Variants in ADGRL2 observed in about 807,000 individuals in gnomAD.
ADGRL2 encodes adhesion G protein-coupled receptor L2.
In ADGRL2, 44 loss-of-function variants were observed where a neutral mutation model predicts 157.4. The observed-to-expected ratio is 0.28, with a 90% CI of 0.22 to 0.36. ADGRL2 has a LOEUF of 0.36. ADGRL2 is among the 10% of genes least tolerant of loss of function. The pLI, the probability that ADGRL2 is intolerant of heterozygous loss-of-function variation, is 1.00. For missense variants in ADGRL2, 1,510 were observed against 1,768.9 expected (o/e 0.85, Z 2.63); for synonymous variants, 585 against 624.7 (o/e 0.94, Z 0.95).
At chr1:81,676,681 TA>T (rs201884833) in intron 3 of ADGRL2, among the ~76,000 whole-genome samples, 1 of 141,090 alleles carries the variant, frequency 7.1e-6, no homozygotes, top group Non-Finnish European at 1.6e-5. Context: ...TCACTGGATT[TA>T]TTTTATTTTA....
intron 1 of ADGRL2, among the ~76,000 whole-genome samples, chr1:81,311,299 C>T (rs536769028): frequency 1.1e-4 from 16 of 152,242 alleles, no homozygotes; most frequent in African/African-American, 2.9e-4. Flanking sequence ...TATCTTCTCC[C>T]GGAAAAATTA....
At chr1:81,428,268 T>C (rs151008641) in intron 1 of ADGRL2, among the ~76,000 whole-genome samples, 4 of 152,108 alleles carry the variant, frequency 2.6e-5, no homozygotes, top group Non-Finnish European at 5.9e-5. Context: ...GATTGGGTAT[T>C]TAAATTAGCA....
intron 1 of ADGRL2, among the ~76,000 whole-genome samples, chr1:81,425,017 T>C (rs1053110347): frequency 6.6e-6 from 1 of 152,234 alleles, no homozygotes; most frequent in Non-Finnish European, 1.5e-5. Flanking sequence ...GAAAGTCTAA[T>C]ACTCTGTTTC....
chr1:81,465,178 T>TA (rs1271019346), intron 2 of ADGRL2, among the ~76,000 whole-genome samples: 1 of 152,012 alleles, frequency 6.6e-6, no homozygotes, highest in Non-Finnish European at 1.5e-5. Context: ...TTCCTATAGT[T>TA]ACAAATATTT....
chr1:81,779,917 T>C (rs1403118054), intron 2 of ADGRL2, among the ~76,000 whole-genome samples: 1 of 152,208 alleles, frequency 6.6e-6, no homozygotes, highest in Non-Finnish European at 1.5e-5. Context: ...ACTATTTTGC[T>C]TTCTGAGGTA....
intron 2 of ADGRL2, among the ~76,000 whole-genome samples, chr1:81,792,079 T>C (rs2087376674): frequency 6.6e-6 from 1 of 152,210 alleles, no homozygotes; most frequent in Admixed American, 6.5e-5. Flanking sequence ...GGAGGGAGTA[T>C]GTTTACCATT....
intron 3 of ADGRL2, among the ~76,000 whole-genome samples, chr1:81,927,445 G>T (rs556861990): frequency 6.6e-6 from 1 of 151,764 alleles, no homozygotes; most frequent in Non-Finnish European, 1.5e-5. Context: ...AAAAAATCAG[G>T]ATTATATTTA....
intron 2 of ADGRL2, among the ~76,000 whole-genome samples, chr1:81,551,129 T>C (rs558923502): frequency 6.0e-4 from 92 of 152,272 alleles, no homozygotes; most frequent in African/African-American, 2.2e-3. Context: ...AAATAATACA[T>C]GTAAGTGTGT....
intron 3 of ADGRL2, among the ~76,000 whole-genome samples, chr1:81,639,148 C>T (rs1172268034): frequency 6.6e-6 from 1 of 152,200 alleles, no homozygotes. Context: ...CAGCTCACTT[C>T]AACCTCCGCC....
intron 3 of ADGRL2, among the ~76,000 whole-genome samples, chr1:81,908,583 A>G (rs913650637): frequency 1.1e-4 from 17 of 152,256 alleles, no homozygotes; most frequent in African/African-American, 4.1e-4. Context: ...TGTGAGTATA[A>G]GTTTTCAGTT....
chr1:81,767,360 G>A (rs1263494066), intron 2 of ADGRL2, among the ~76,000 whole-genome samples: 1 of 151,986 alleles, frequency 6.6e-6, no homozygotes, highest in African/African-American at 2.4e-5. Flanking sequence ...ATTTATACAG[G>A]GCAGTGGTTC....
intron 10 of ADGRL2, 159 bp from the exon 11 acceptor site, chr1:81,955,718 A>G: frequency 4.3e-6 from 2 of 468,574 alleles, no homozygotes; most frequent in Non-Finnish European, 7.6e-6. Flanking sequence ...GTTATATTTT[A>G]AAATGGACCA....
chr1:81,566,262 C>T (rs564231669), intron 2 of ADGRL2, among the ~76,000 whole-genome samples: 4 of 152,182 alleles, frequency 2.6e-5, no homozygotes, highest in African/African-American at 7.2e-5. Flanking sequence ...TAGTTTTTGT[C>T]CACCACATAG....
intron 2 of ADGRL2, among the ~76,000 whole-genome samples, chr1:81,519,550 A>C (rs1362743463): frequency 1.3e-5 from 2 of 152,248 alleles, no homozygotes. Flanking sequence ...TATACTTGGC[A>C]TAGGATCAGT....
chr1:81,502,500 C>T (rs182433715), intron 2 of ADGRL2: 2 of 1,614,034 alleles, frequency 1.2e-6, no homozygotes, highest in East Asian at 2.2e-5. Context: ...AACCGAATCC[C>T]CATCATGGCC....
intron 3 of ADGRL2, among the ~76,000 whole-genome samples, chr1:81,649,891 C>G (rs1371884040): frequency 6.6e-6 from 1 of 152,176 alleles, no homozygotes; most frequent in Admixed American, 6.5e-5. Flanking sequence ...ATGATGATCA[C>G]TAACTGTCTT....
chr1:81,521,536 A>G (rs1172386596), intron 2 of ADGRL2, among the ~76,000 whole-genome samples: 3 of 152,224 alleles, frequency 2.0e-5, no homozygotes, highest in East Asian at 1.9e-4. Context: ...ATACTTACCT[A>G]TATATCATAT....
chr1:81,778,495 C>A (rs891353686), intron 2 of ADGRL2, among the ~76,000 whole-genome samples: 1 of 152,070 alleles, frequency 6.6e-6, no homozygotes, highest in Non-Finnish European at 1.5e-5. Flanking sequence ...GTAGGCTGAA[C>A]AGCTTACTCT....
In ADGRL2 at chr1:81,502,100, G is replaced by A. The variant is rs111945886; in HGVS notation, c.-248+57011G>A. 2.1e-3 allele frequency: 3,357 copies of A among 1,595,754 alleles called. 80 individuals are homozygous for A. In the African/African-American group the frequency reaches 0.042, roughly 20 times the overall value. On this transcript the variant is annotated intron_variant, in intron 2 of 24. Transcript: ENST00000370721. The stretch of plus-strand genomic sequence containing the variant: ...GGAAGATGAGGACGGGGATGATGAA[G>A]TTGCAGAGGTGGCTGAGAAAGAAAC...
Sources: gnomAD v4.1 joint callset for allele counts (sites outside exome capture counted in the v4.1 genomes callset) on GRCh38, gnomAD v4.1.1 for gene constraint, MANE v1.5 for transcripts, NCBI Gene and HGNC (gene_info 2026-07-23, HGNC 2026-07-21) for gene names.